Variants in RUBCNL observed in about 807,000 individuals in gnomAD.
The protein encoded by RUBCNL is rubicon like autophagy enhancer, also known as protein associated with UVRAG as autophagy enhancer.
A neutral mutation model predicts 69.5 loss-of-function variants in RUBCNL; 62 were observed. That is an observed-to-expected ratio of 0.89 (90% CI 0.73 to 1.10). The LOEUF is 1.10. Ranked by LOEUF, RUBCNL falls within the 50% of genes least tolerant of loss-of-function variation. RUBCNL has a pLI of 0.00. For missense variants in RUBCNL, 768 were observed against 798.1 expected (o/e 0.96, Z 0.45); for synonymous variants, 291 against 303.6 (o/e 0.96, Z 0.43).
chr13:46,375,562 G>A (rs1290106498), intron 2 of RUBCNL, among the ~76,000 whole-genome samples: 2 of 152,064 alleles, frequency 1.3e-5, no homozygotes, highest in African/African-American at 4.8e-5. Flanking sequence ...CTAGAGAAAA[G>A]ACCTCTGTGG....
chr13:46,350,445 C>G (rs2138694195), intron 10 of RUBCNL, 94 bp from the exon 11 acceptor site: 1 of 854,586 alleles, frequency 1.2e-6, no homozygotes, highest in East Asian at 2.7e-5. Context: ...GATTCAAAGA[C>G]TCTGATGACT....
At position 46,343,280 on chromosome 13, in the gene RUBCNL, T is replaced by C; in HGVS notation, c.*105A>G. The C allele has an allele frequency of 1.3e-6, 2 of 1,517,860 alleles. No homozygotes were observed. Among genetic ancestry groups the C allele is most frequent in the South Asian group, 2.4e-5 (2 of 82,880 alleles). 94.0% of individuals were successfully genotyped at this position (1,517,860 alleles called of 1,614,324 possible). A position where few individuals can be genotyped will look rare whatever the true frequency, so the allele number is the denominator to read the frequency against. ...AAGAGAATATAGACCATCTTTTTCC[T>C]TAATATACAATACCCAATATCTAAA... On this transcript the variant is annotated 3_prime_UTR_variant, in exon 15 of 15. Transcript: ENST00000429979.
chr13:46,343,364 T>C lies in RUBCNL; in HGVS notation c.*21A>G. On this transcript the variant is annotated 3_prime_UTR_variant, in exon 15 of 15. Coordinates refer to ENST00000429979, the MANE Select transcript of RUBCNL (RefSeq NM_025113.5). The stretch of plus-strand genomic sequence containing the variant: ...TATCATAAGGCATGTTGAACAGTCT[T>C]TTTCACAGTACTCAGGGGCATCATG... 1 of 1,609,814 alleles carries C rather than the reference T, an allele frequency of 6.2e-7. No individual in the cohort carries two copies. The highest frequency in any genetic ancestry group is 8.5e-7 in the Non-Finnish European group (1 of 1,177,742).
At chr13:46,387,255 G>A (rs2049271645), upstream of RUBCNL, 1 of 985,288 alleles carries the variant, frequency 1.0e-6, no homozygotes, top group South Asian at 4.7e-5. Flanking sequence ...GAAAGGGGAG[G>A]GAGGAGAGCT....
chr13:46,343,572 T>C (rs1425331175), intron 14 of RUBCNL, 75 bp from the exon 15 acceptor site: 4 of 1,475,822 alleles, frequency 2.7e-6, no homozygotes, highest in Non-Finnish European at 1.8e-6. Context: ...TTCGTCTCCA[T>C]CCTAGGGAGG....
intron 10 of RUBCNL, among the ~76,000 whole-genome samples, chr13:46,354,374 T>C (rs1444044846): frequency 1.3e-5 from 2 of 152,132 alleles, no homozygotes; most frequent in African/African-American, 4.8e-5. Flanking sequence ...GGGTGAAGGG[T>C]GTACAGGAAC....
intron 10 of RUBCNL, among the ~76,000 whole-genome samples, chr13:46,353,499 G>C (rs900658967): frequency 1.3e-5 from 2 of 152,128 alleles, no homozygotes; most frequent in Admixed American, 6.5e-5. Flanking sequence ...AGAATACAAA[G>C]TGACCTAAAC....
At chr13:46,361,405 A>C in intron 8 of RUBCNL, 36 bp downstream of exon 8, 1 of 1,609,764 alleles carries the variant, frequency 6.2e-7, no homozygotes, top group Non-Finnish European at 8.5e-7. Context: ...GGATTTAGGA[A>C]CTTTCAATTC....
chr13:46,378,508 T>C lies in RUBCNL; in HGVS notation c.-238-503A>G, dbSNP rs534494669. The C allele has an allele frequency of 2.9e-4, 44 of 152,964 alleles. No homozygotes were observed. The South Asian group carries it at 6.2e-3, about 22-fold the overall frequency. 9.5% of individuals were successfully genotyped at this position (152,964 alleles called of 1,614,324 possible). A position where few individuals can be genotyped will look rare whatever the true frequency, so the allele number is the denominator to read the frequency against. ...AGGTAGGCACAGGCCAGATTACTAGTGAACATATAAGCTGCAGCAAAGGCC... is the reference window on the plus strand; with the variant it reads ...AGGTAGGCACAGGCCAGATTACTAGCGAACATATAAGCTGCAGCAAAGGCC... On this transcript the variant is annotated intron_variant, in intron 1 of 14. Transcript: ENST00000429979.
At chr13:46,375,200 T>C (rs2765626) in intron 2 of RUBCNL, among the ~76,000 whole-genome samples, 59,518 of 151,996 alleles carry the variant, frequency 0.39, 12,262 homozygotes, top group East Asian at 0.59. Flanking sequence ...TGTTTATGAA[T>C]GGAAAGAACA....
chr13:46,381,377 A>C (rs578197249), intron 1 of RUBCNL, among the ~76,000 whole-genome samples: 2 of 152,266 alleles, frequency 1.3e-5, no homozygotes, highest in Non-Finnish European at 1.5e-5. Flanking sequence ...CATTTCATAT[A>C]TATATATATA....
intron 9 of RUBCNL, among the ~76,000 whole-genome samples, chr13:46,357,264 C>T (rs1057461092): frequency 3.5e-4 from 50 of 144,086 alleles, no homozygotes; most frequent in African/African-American, 9.6e-4. Flanking sequence ...ACCCGGGAGA[C>T]GGAGCTTGCA....
At chr13:46,356,115 G>A (rs1259058247) in intron 10 of RUBCNL, among the ~76,000 whole-genome samples, 1 of 152,120 alleles carries the variant, frequency 6.6e-6, no homozygotes, top group East Asian at 1.9e-4. Flanking sequence ...AGAGCATTTG[G>A]GGGAGAGAAA....
At chr13:46,356,571 T>C in intron 9 of RUBCNL, 75 bp from the exon 10 acceptor site, 2 of 1,285,816 alleles carry the variant, frequency 1.6e-6, no homozygotes, top group African/African-American at 1.5e-5. Flanking sequence ...AGAAAAGAAA[T>C]TGCCATCGTG....
rs143256717 is a variant in RUBCNL, at chr13:46,341,658, A to C, written c.*1727T>G. On this transcript the variant is annotated 3_prime_UTR_variant, in exon 15 of 15. Transcript: ENST00000429979. ...TGCTTGAGCCATAGCAGCTGCCTTA[A>C]ATCAACACTGATGTGAGAAAACACT... 3.3e-5 allele frequency among the ~76,000 whole-genome samples: 5 copies of C among 152,334 alleles called. No homozygotes were observed. In the East Asian group the frequency reaches 9.6e-4, roughly 29 times the overall value.
chr13:46,369,317 C>T (rs1191905812), intron 3 of RUBCNL, among the ~76,000 whole-genome samples: 7 of 152,144 alleles, frequency 4.6e-5, no homozygotes, highest in Admixed American at 3.9e-4. Flanking sequence ...TGGGCTCAAG[C>T]GATTCTTCTA....
intron 8 of RUBCNL, among the ~76,000 whole-genome samples, chr13:46,360,952 G>A (rs769198404): frequency 3.3e-5 from 5 of 152,068 alleles, no homozygotes; most frequent in South Asian, 2.1e-4. Flanking sequence ...GGCCGGGCAC[G>A]GTGGCTCAGG....
chr13:46,380,667 G>A (rs2138842675), intron 1 of RUBCNL, among the ~76,000 whole-genome samples: 1 of 152,146 alleles, frequency 6.6e-6, no homozygotes, highest in East Asian at 1.9e-4. Context: ...ATTCATACTT[G>A]TATAAAAAAA....
upstream of RUBCNL, among the ~76,000 whole-genome samples, chr13:46,389,439 A>G (rs2138876529): frequency 6.6e-6 from 1 of 152,356 alleles, no homozygotes; most frequent in African/African-American, 2.4e-5. The surrounding 1 kb of genome is among the most constrained non-coding windows in gnomAD (Gnocchi z 4.2). Flanking sequence ...TTGAAACAAG[A>G]GGAAATGTCA....
Sources: allele counts gnomAD v4.1 joint callset (sites outside exome capture counted in the v4.1 genomes callset), GRCh38; gene constraint gnomAD v4.1.1; non-coding constraint Gnocchi (gnomAD v3.1); transcripts MANE v1.5; gene names NCBI Gene and HGNC (gene_info 2026-07-23, HGNC 2026-07-21).